Variants in RAB37 observed in about 807,000 individuals in gnomAD.
RAB37 encodes the protein RAB37, member RAS oncogene family, also known as ras-related protein Rab-37.
RAB37 carries 29 observed loss-of-function variants against 33.1 expected under a neutral mutation model. That is an observed-to-expected ratio of 0.88 (90% CI 0.65 to 1.20). The LOEUF (loss-of-function observed/expected upper bound fraction) is 1.20. Among genes scored for constraint, RAB37 ranks in the 50% most tolerant of loss-of-function variants. The pLI is 0.00. For missense variants in RAB37, 299 were observed against 301.1 expected, an observed-to-expected ratio of 0.99 and a Z score of 0.05; for synonymous variants, 128 against 119.5, an observed-to-expected ratio of 1.07 and a Z score of -0.47.
upstream of RAB37, chr17:74,736,614 G>A (rs1256672955): frequency 5.9e-6 from 9 of 1,533,656 alleles, no homozygotes; most frequent in Non-Finnish European, 7.9e-6. Flanking sequence ...CTCCCCTGGT[G>A]GGACATTCTG....
intron 1 of RAB37, chr17:74,712,825 T>C (rs769759652): frequency 4.3e-6 from 7 of 1,613,962 alleles, no homozygotes; most frequent in Non-Finnish European, 5.9e-6. Flanking sequence ...CCCGCTCACC[T>C]GAGAGCCAGA....
At chr17:74,737,451 C>A in intron 1 of RAB37, 86 bp downstream of exon 1, 2 of 1,384,128 alleles carry the variant, frequency 1.4e-6, no homozygotes, top group South Asian at 1.4e-5. Flanking sequence ...AGCCCTTCCC[C>A]CAGGCAGCTG....
Position 74,745,005 on chromosome 17 carries a change from C to CAGG in RAB37, c.490_492dup, listed in dbSNP as rs1567817224. 1 of 1,614,154 alleles carries CAGG rather than the reference C, an allele frequency of 6.2e-7. No homozygotes were observed. The highest frequency in any genetic ancestry group is 1.3e-5 in the African/African-American group (1 of 74,966). ...GGCCCTGAGGACACTCTCTCCCGGG[C>CAGG]AGGAGTACGGTGTTCCCTTCCTGGA... On this transcript the variant is annotated splice_region_variant and splice_polypyrimidine_tract_variant and intron_variant, in intron 7 of 8. Coordinates refer to ENST00000392613, the MANE Select transcript of RAB37 (RefSeq NM_001006638.3). This position sits in a 1 kb window ranked among gnomAD's most constrained non-coding sequence, Gnocchi z 4.5.
intron 1 of RAB37, among the ~76,000 whole-genome samples, chr17:74,718,483 A>G (rs1045241486): frequency 6.6e-6 from 1 of 152,160 alleles, no homozygotes; most frequent in African/African-American, 2.4e-5. Flanking sequence ...CTGCTCCTTG[A>G]CAAAGTGGAA....
upstream of RAB37, among the ~76,000 whole-genome samples, chr17:74,734,934 G>GAGAA (rs546356955): frequency 4.5e-4 from 53 of 117,020 alleles, 2 homozygotes; most frequent in East Asian, 0.011. Flanking sequence ...GAGAAAGAAA[G>GAGAA]AGAAAGAAAG....
chr17:74,705,683 C>G (rs545805711), intron 1 of RAB37, among the ~76,000 whole-genome samples: 2 of 152,108 alleles, frequency 1.3e-5, no homozygotes, highest in African/African-American at 4.8e-5. Flanking sequence ...AAGCCTTCAC[C>G]TCCCAGGCTT....
intron 1 of RAB37, among the ~76,000 whole-genome samples, chr17:74,675,596 C>G (rs1183389295): frequency 6.6e-6 from 1 of 152,148 alleles, no homozygotes; most frequent in Non-Finnish European, 1.5e-5. Context: ...ATTTCACAGG[C>G]AGAAGTCCAT....
rs762740730 is a variant in RAB37, at chr17:74,745,013, C to T, written c.495C>T (p.Tyr165=). The T allele has an allele frequency of 6.2e-6, 10 of 1,614,126 alleles. No homozygotes were observed. Among genetic ancestry groups the T allele is most frequent in the African/African-American group, 4.0e-5 (3 of 74,964 alleles). Residue 165 remains tyrosine (Y), a synonymous_variant, in exon 8 of 9, where the codon TAC becomes TAT. Coordinates refer to ENST00000392613, the MANE Select transcript of RAB37 (RefSeq NM_001006638.3). This position sits in a 1 kb window ranked among gnomAD's most constrained non-coding sequence, Gnocchi z 4.5. The stretch of plus-strand genomic sequence containing the variant: ...GGACACTCTCTCCCGGGCAGGAGTA[C>T]GGTGTTCCCTTCCTGGAGACCAGCG... ...SEDGETLARE[Y]GVPFLETSAK...
chr17:74,674,480 C>A (rs967048674), intron 1 of RAB37, among the ~76,000 whole-genome samples: 5 of 152,004 alleles, frequency 3.3e-5, no homozygotes, highest in Admixed American at 2.6e-4. Context: ...GAGTTCAAGA[C>A]CAGCCTGGCC....
chr17:74,696,289 A>G, intron 1 of RAB37: 2 of 1,495,964 alleles, frequency 1.3e-6, no homozygotes, highest in Admixed American at 4.4e-5. Context: ...AGGTCTAGGG[A>G]AGAGAAATAT....
intron 1 of RAB37, chr17:74,705,427 G>T: frequency 1.9e-6 from 1 of 520,220 alleles, no homozygotes; most frequent in Non-Finnish European, 3.5e-6. Context: ...GAATTGCTTT[G>T]ACCCCTTTGT....
At chr17:74,708,443 G>A (rs771833791) in intron 1 of RAB37, among the ~76,000 whole-genome samples, 66 of 152,250 alleles carry the variant, frequency 4.3e-4, no homozygotes, top group Admixed American at 7.9e-4. Context: ...TAATCTTGAT[G>A]CCAAAACCTG....
At chr17:74,695,363 C>A (rs1293959427) in intron 1 of RAB37, 50 of 1,273,062 alleles carry the variant, frequency 3.9e-5, no homozygotes, top group Non-Finnish European at 4.9e-5. Context: ...GCTTCTAATC[C>A]CACTCAAGCC....
At chr17:74,716,042 AAGC>A (rs1161358550) in intron 1 of RAB37, among the ~76,000 whole-genome samples, 2 of 152,118 alleles carry the variant, frequency 1.3e-5, no homozygotes, top group African/African-American at 4.8e-5. Flanking sequence ...CAAAAAGAAA[AAGC>A]AGAGAATTCG....
In RAB37 at chr17:74,729,375, T is replaced by C; in HGVS notation, c.183+9T>C. On this transcript the variant is annotated intron_variant, in intron 2 of 7. Transcript: ENST00000340415. This position sits in a 1 kb window ranked among gnomAD's most constrained non-coding sequence, Gnocchi z 4.2. ...TGGGCATCGGATTCACGGTAAGCACTGGCCGGCACTGCCAGCTCTGGGCCT... is the reference window on the plus strand; with the variant it reads ...TGGGCATCGGATTCACGGTAAGCACCGGCCGGCACTGCCAGCTCTGGGCCT... The C allele has an allele frequency of 1.9e-6, 3 of 1,599,098 alleles. No individual in the cohort carries two copies. The highest frequency in any genetic ancestry group is 2.6e-6 in the Non-Finnish European group (3 of 1,166,278).
chr17:74,729,172 A>AATCC lies in RAB37; in HGVS notation c.73-82_73-79dup. 1 of 898,344 alleles carries AATCC rather than the reference A, an allele frequency of 1.1e-6. No individual in the cohort carries two copies. The highest frequency in any genetic ancestry group is 1.3e-5 in the South Asian group (1 of 76,780). 55.6% of individuals were successfully genotyped at this position (898,344 alleles called of 1,614,324 possible). On this transcript the variant is annotated intron_variant, in intron 1 of 7. Coordinates refer to the RAB37 transcript ENST00000340415. The surrounding 1 kb of genome is among the most constrained non-coding windows in gnomAD (Gnocchi z 4.2). ...GTTGTGCACATGCGTGCTTAGAAAG[A>AATCC]ATCCACTCCCACAGCCACAAGGACA...
chr17:74,718,348 TC>T (rs2034195183), intron 1 of RAB37, among the ~76,000 whole-genome samples: 1 of 151,650 alleles, frequency 6.6e-6, no homozygotes, highest in East Asian at 1.9e-4. Context: ...TCATATCATA[TC>T]ATATCATATC....
chr17:74,728,642 T>C (rs574348192), intron 1 of RAB37, among the ~76,000 whole-genome samples: 2 of 151,982 alleles, frequency 1.3e-5, no homozygotes, highest in Admixed American at 6.6e-5. Flanking sequence ...TCTGTTTCTG[T>C]ATGTATATGT....
chr17:74,685,112 A>G (rs1393075477), intron 1 of RAB37, among the ~76,000 whole-genome samples: 1 of 152,120 alleles, frequency 6.6e-6, no homozygotes, highest in African/African-American at 2.4e-5. Flanking sequence ...CTTAAAAAAA[A>G]AAAAAAAGAA....
Sources: allele counts gnomAD v4.1 joint callset (sites outside exome capture counted in the v4.1 genomes callset), GRCh38; gene constraint gnomAD v4.1.1; non-coding constraint Gnocchi (gnomAD v3.1); transcripts MANE v1.5; gene names NCBI Gene and HGNC (gene_info 2026-07-23, HGNC 2026-07-21).